Variants in GPC5 observed in about 807,000 individuals in gnomAD.
The protein encoded by GPC5 is glypican 5.
In GPC5, 47 loss-of-function variants were observed where a neutral mutation model predicts 53.9. That is an observed-to-expected ratio of 0.87 (90% CI 0.69 to 1.11). The LOEUF (loss-of-function observed/expected upper bound fraction) is 1.11, where lower values mean the gene tolerates loss of function less well. GPC5 is among the 50% of genes most tolerant of loss of function. GPC5 has a pLI of 0.00. For synonymous variants in GPC5, 286 were observed against 263.3 expected (o/e 1.09, Z -0.84); for missense variants, 748 against 713.1 (o/e 1.05, Z -0.56).
chr13:92,200,777 C>T (rs1216086461), intron 7 of GPC5, among the ~76,000 whole-genome samples: 4 of 152,288 alleles, frequency 2.6e-5, no homozygotes, highest in African/African-American at 4.8e-5. Flanking sequence ...AATGATTGGA[C>T]GAGCCCTGGT....
intron 2 of GPC5, among the ~76,000 whole-genome samples, chr13:91,577,562 A>G (rs1487961715): frequency 6.6e-6 from 1 of 152,046 alleles, no homozygotes; most frequent in East Asian, 1.9e-4. Context: ...CTCCTCACCT[A>G]TTGTTGACTT....
intron 6 of GPC5, among the ~76,000 whole-genome samples, chr13:91,937,903 A>C (rs2039886014): frequency 6.6e-6 from 1 of 152,040 alleles, no homozygotes; most frequent in Non-Finnish European, 1.5e-5. Context: ...TATGAACCCA[A>C]AACCTGACCC....
chr13:91,904,736 G>A (rs1429204514), intron 5 of GPC5, among the ~76,000 whole-genome samples: 1 of 152,026 alleles, frequency 6.6e-6, no homozygotes, highest in Non-Finnish European at 1.5e-5. Context: ...AAAATGGAGA[G>A]GAAGCTGAGT....
At chr13:92,386,998 G>T (rs1159766512) in intron 7 of GPC5, among the ~76,000 whole-genome samples, 2 of 151,988 alleles carry the variant, frequency 1.3e-5, no homozygotes, top group Non-Finnish European at 2.9e-5. Flanking sequence ...TACTTGACTT[G>T]TTCACTAACT....
chr13:92,420,720 C>T (rs970476875), intron 7 of GPC5, among the ~76,000 whole-genome samples: 2 of 152,068 alleles, frequency 1.3e-5, no homozygotes, highest in African/African-American at 4.8e-5. Context: ...TTTTAGATCC[C>T]ACAAATAAGT....
intron 2 of GPC5, among the ~76,000 whole-genome samples, chr13:91,489,284 C>T (rs897841738): frequency 5.9e-5 from 9 of 152,108 alleles, no homozygotes; most frequent in African/African-American, 1.7e-4. Context: ...GGTTTTGGGG[C>T]TTGTGGAGCA....
intron 4 of GPC5, among the ~76,000 whole-genome samples, chr13:91,746,018 G>T (rs1047327258): frequency 9.9e-5 from 15 of 152,160 alleles, no homozygotes; most frequent in African/African-American, 3.6e-4. Context: ...CAAATAGAAT[G>T]ACAGGTGAGA....
intron 2 of GPC5, among the ~76,000 whole-genome samples, chr13:91,663,730 T>A (rs1014370392): frequency 1.3e-5 from 2 of 152,178 alleles, no homozygotes; most frequent in African/African-American, 4.8e-5. Flanking sequence ...TCCTGAGTTG[T>A]TGGGATTACA....
chr13:92,433,989 G>A (rs181787653), intron 7 of GPC5, among the ~76,000 whole-genome samples: 36 of 152,248 alleles, frequency 2.4e-4, no homozygotes, highest in African/African-American at 5.3e-4. Flanking sequence ...GGGATATGTC[G>A]TACTTCTGTC....
chr13:92,562,243 T>G (rs1008353956), intron 7 of GPC5, among the ~76,000 whole-genome samples: 6 of 152,078 alleles, frequency 3.9e-5, no homozygotes, highest in Non-Finnish European at 8.8e-5. Flanking sequence ...AATTTCACCC[T>G]TACGCTGTGC....
intron 2 of GPC5, among the ~76,000 whole-genome samples, chr13:91,451,811 T>C (rs567616945): frequency 1.3e-5 from 2 of 150,966 alleles, no homozygotes; most frequent in Admixed American, 6.6e-5. Context: ...AGAGACGGGG[T>C]TTCAACATGT....
intron 5 of GPC5, among the ~76,000 whole-genome samples, chr13:91,862,251 C>A (rs929952944): frequency 6.6e-6 from 1 of 151,950 alleles, no homozygotes; most frequent in South Asian, 2.1e-4. Flanking sequence ...TTTCTGAAAA[C>A]GTCTTAATTT....
chr13:92,500,785 C>T (rs2138931896), intron 7 of GPC5, among the ~76,000 whole-genome samples: 1 of 152,214 alleles, frequency 6.6e-6, no homozygotes, highest in African/African-American at 2.4e-5. Flanking sequence ...TATTTTTGTC[C>T]ACTCACCACC....
At chr13:92,331,480 A>G (rs1181038382) in intron 7 of GPC5, among the ~76,000 whole-genome samples, 1 of 152,158 alleles carries the variant, frequency 6.6e-6, no homozygotes, top group Non-Finnish European at 1.5e-5. Context: ...CAGTTTTTGT[A>G]TTCATGATAA....
chr13:91,595,073 G>C (rs1462817272), intron 2 of GPC5, among the ~76,000 whole-genome samples: 1 of 151,226 alleles, frequency 6.6e-6, no homozygotes, highest in East Asian at 1.9e-4. Context: ...TGCCAGGCTG[G>C]AGTACAGTGG....
chr13:92,736,736 C>T (rs1888945289), intron 7 of GPC5, among the ~76,000 whole-genome samples: 1 of 151,758 alleles, frequency 6.6e-6, no homozygotes, highest in African/African-American at 2.4e-5. Context: ...TGCTTGTCTC[C>T]CTAACTCCCA....
At chr13:91,811,473 G>T (rs1456037002) in intron 5 of GPC5, among the ~76,000 whole-genome samples, 1 of 152,030 alleles carries the variant, frequency 6.6e-6, no homozygotes, top group Non-Finnish European at 1.5e-5. Context: ...CACATTAACA[G>T]AAATAATTGT....
At chr13:92,317,448 G>A (rs1372272986) in intron 7 of GPC5, among the ~76,000 whole-genome samples, 1 of 151,958 alleles carries the variant, frequency 6.6e-6, no homozygotes, top group Admixed American at 6.6e-5. Context: ...CCCTTCATGT[G>A]TTCTTGTTTT....
intron 7 of GPC5, among the ~76,000 whole-genome samples, chr13:92,416,941 T>A (rs1311680541): frequency 6.6e-6 from 1 of 152,198 alleles, no homozygotes; most frequent in East Asian, 1.9e-4. Flanking sequence ...AAACTTGGGT[T>A]ACTATAAGTC....
Sources: allele counts gnomAD v4.1 joint callset (sites outside exome capture counted in the v4.1 genomes callset), GRCh38; gene constraint gnomAD v4.1.1; transcripts MANE v1.5; gene names NCBI Gene and HGNC (gene_info 2026-07-23, HGNC 2026-07-21).